Variants in REV3L observed in about 807,000 individuals in gnomAD.
REV3L encodes REV3 like, DNA directed polymerase zeta catalytic subunit, also known as DNA polymerase zeta catalytic subunit.
REV3L carries 69 observed loss-of-function variants against 299.4 expected under a neutral mutation model. The ratio of observed to expected loss-of-function variants is 0.23; its 90% CI spans 0.19 to 0.28. The LOEUF is 0.28. Among genes scored for constraint, REV3L ranks in the 10% least tolerant of loss-of-function variants. The pLI is 1.00. For synonymous variants in REV3L, 1,238 were observed against 1,271.4 expected, an observed-to-expected ratio of 0.97 and a Z score of 0.56; for missense variants, 3,128 against 3,693.8, an observed-to-expected ratio of 0.85 and a Z score of 3.97.
intron 4 of REV3L, among the ~76,000 whole-genome samples, chr6:111,403,791 C>T (rs1447029578): frequency 1.3e-5 from 2 of 152,154 alleles, no homozygotes; most frequent in Non-Finnish European, 2.9e-5. Flanking sequence ...ATTAAGCTTA[C>T]CAAGGAAGGC....
chr6:111,358,798 A>G (rs1349522828), intron 17 of REV3L, 24 bp downstream of exon 17: 26 of 1,570,934 alleles, frequency 1.7e-5, no homozygotes, highest in Non-Finnish European at 2.3e-5. Context: ...GGGCAGGTAT[A>G]TCATTAATAA....
At position 111,478,889 on chromosome 6, in the gene REV3L, T is replaced by C. The variant is rs1793268128; in HGVS notation, c.139+3861A>G. Among the ~76,000 whole-genome samples the C allele has an allele frequency of 2.6e-5, 4 of 152,220 alleles. No individual in the cohort carries two copies. In the South Asian group the frequency reaches 8.3e-4, roughly 31 times the overall value. ...GACAAGCAGCTCCCTCTATAGTCTG[T>C]CTGGCCTACTTTGTTTAATTCCTTG... On this transcript the variant is annotated intron_variant, in intron 1 of 31. Transcript: ENST00000368802.
At chr6:111,460,879 C>T (rs930185295) in intron 1 of REV3L, among the ~76,000 whole-genome samples, 5 of 152,058 alleles carry the variant, frequency 3.3e-5, no homozygotes, top group African/African-American at 9.7e-5. Context: ...AAATTCCTAT[C>T]GCCTAGGGAC....
intron 1 of REV3L, among the ~76,000 whole-genome samples, chr6:111,442,018 A>G (rs1788322726): frequency 6.6e-6 from 1 of 152,250 alleles, no homozygotes; most frequent in Admixed American, 6.5e-5. Context: ...CAGGAAGAAT[A>G]AAGGGGGCTG....
In REV3L at chr6:111,374,115, C is replaced by CT; in HGVS notation, c.4239dup (p.Ala1414SerfsTer5). On this transcript the variant is annotated frameshift_variant, in exon 13 of 32. Transcript: ENST00000368802. LOFTEE classifies it high-confidence loss of function. ...CAATGCAAAAAATTAGGGGTATATG[C>CT]TTGGTCCAGCTTTGATTCTAGGGAA... The CT allele has an allele frequency of 6.2e-7, 1 of 1,614,098 alleles. No homozygotes were observed. The highest frequency in any genetic ancestry group is 8.5e-7 in the Non-Finnish European group (1 of 1,179,968).
At position 111,326,685 on chromosome 6, in the gene REV3L, A is replaced by T. The variant is rs1013206877; in HGVS notation, c.8241+2847T>A. On this transcript the variant is annotated intron_variant, in intron 25 of 31. Coordinates refer to ENST00000368802, the MANE Select transcript of REV3L (RefSeq NM_001372078.1). ...CATATTTATTGTAGCACTATTCACAATAGCCAAGATATGGAAACAACCTAA... is the reference window on the plus strand; with the variant it reads ...CATATTTATTGTAGCACTATTCACATTAGCCAAGATATGGAAACAACCTAA... Among the ~76,000 whole-genome samples the T allele has an allele frequency of 2.0e-5, 3 of 152,134 alleles. No homozygotes were observed. The East Asian group carries it at 5.8e-4, about 29-fold the overall frequency.
intron 4 of REV3L, among the ~76,000 whole-genome samples, chr6:111,394,455 T>C (rs991527915): frequency 6.6e-6 from 1 of 152,194 alleles, no homozygotes; most frequent in Non-Finnish European, 1.5e-5. Flanking sequence ...GAGGTGTCTA[T>C]TCAGATACGA....
Position 111,418,758 on chromosome 6 carries a change from C to T in REV3L, c.140-2286G>A, listed in dbSNP as rs1465835679. Among the ~76,000 whole-genome samples the T allele has an allele frequency of 2.6e-5, 4 of 152,064 alleles. No homozygotes were observed. The South Asian group carries it at 6.2e-4, about 24-fold the overall frequency. ...CAGTTTTTATTTTTTATTATAATTG[C>T]CTGTTTCCTTATCTAACTTTCCCAT... On this transcript the variant is annotated intron_variant, in intron 1 of 31. Transcript: ENST00000368802.
Position 111,367,421 on chromosome 6 carries a change from G to C in REV3L, c.6367C>G (p.Pro2123Ala), listed in dbSNP as rs372911586. The C allele has an allele frequency of 5.6e-6, 9 of 1,611,538 alleles. No homozygotes were observed. The highest frequency in any genetic ancestry group is 1.3e-5 in the African/African-American group (1 of 74,904). The change falls in exon 14 of 32, where the codon CCA (proline) becomes GCA (alanine). Residue 2123 changes from proline (P) to alanine (A), a missense_variant. This residue lies in a region of REV3L where 2,409 missense variants were observed against 2,611.8 expected (regional missense o/e 0.92). Transcript: ENST00000368802. ...YYISYSSPDS[P>A]VIPPWQQPIS... ...GGTTGTTGCCAAGGGGGAATTACTG[G>C]AGAATCAGGGGAGCTATAACTAATG...
At chr6:111,416,526 A>G in intron 1 of REV3L, 54 bp from the exon 2 acceptor site, 1 of 1,386,764 alleles carries the variant, frequency 7.2e-7, no homozygotes, top group Non-Finnish European at 1.0e-6. Context: ...TAACAATACA[A>G]AACTCAGAAT....
Position 111,307,508 on chromosome 6 carries a change from T to G in REV3L, c.9105A>C (p.Gln3035His). The change falls in exon 31 of 32, where the codon CAA becomes CAC. Residue 3035 changes from glutamine to histidine, a missense_variant. Physicochemically the swap from Gln to His is conservative, Grantham distance 24. Around this residue, in one of 9 missense-constraint regions of REV3L, gnomAD observed 294 missense variants for 377.0 expected, o/e 0.78. Transcript: ENST00000368802. The stretch of plus-strand genomic sequence containing the variant: ...CAGGACAGTGTAAGGTAGTAAAATA[T>G]TGTGAAATAGTGCCTTTCCGCCCTT... Reference protein sequence around the residue: ...EPEGRKGTISQYFTTLHCPVC... With the variant: ...EPEGRKGTISHYFTTLHCPVC... The G allele has an allele frequency of 6.2e-7, 1 of 1,614,220 alleles. No homozygotes were observed. The highest frequency in any genetic ancestry group is 1.3e-5 in the African/African-American group (1 of 75,054).
intron 1 of REV3L, among the ~76,000 whole-genome samples, chr6:111,421,258 T>C (rs1403912792): frequency 6.6e-6 from 1 of 152,238 alleles, no homozygotes; most frequent in East Asian, 1.9e-4. Context: ...TAAAATCTTG[T>C]TAGCCTATTT....
At chr6:111,330,698 T>C (rs1448200065) in intron 24 of REV3L, among the ~76,000 whole-genome samples, 68 of 152,152 alleles carry the variant, frequency 4.5e-4, no homozygotes, top group Admixed American at 4.5e-3. Context: ...GCCATAATGT[T>C]TTAAGACATA....
At chr6:111,370,052 C>T (rs1270449786) in intron 13 of REV3L, among the ~76,000 whole-genome samples, 3 of 152,040 alleles carry the variant, frequency 2.0e-5, no homozygotes, top group South Asian at 2.1e-4. Context: ...AGGATGGTCT[C>T]GATCTCCTGA....
chr6:111,371,815 C>T (rs1317347527), intron 13 of REV3L, among the ~76,000 whole-genome samples: 1 of 152,110 alleles, frequency 6.6e-6, no homozygotes, highest in Non-Finnish European at 1.5e-5. Flanking sequence ...CTGCCCCCCT[C>T]GGCCTCCCAA....
intron 1 of REV3L, among the ~76,000 whole-genome samples, chr6:111,459,823 T>C (rs893642161): frequency 3.3e-5 from 5 of 152,190 alleles, no homozygotes; most frequent in African/African-American, 1.2e-4. Context: ...TTGGTGGGAA[T>C]GTAACTTAGT....
rs369726789 is a variant in REV3L at position 111,422,181 on chromosome 6, T to C, written c.140-5709A>G. On this transcript the variant is annotated intron_variant, in intron 1 of 31. Coordinates refer to ENST00000368802, the MANE Select transcript of REV3L (RefSeq NM_001372078.1). ...TGAAGATAATCTAAATTTCCAAAAA[T>C]AGGGAAATAAGTAAAATTATGTTAT... Among the ~76,000 whole-genome samples the C allele has an allele frequency of 1.6e-4, 24 of 152,238 alleles. No homozygotes were observed. The East Asian group carries it at 4.2e-3, about 27-fold the overall frequency.
At chr6:111,365,780 G>A (rs17511006) in intron 14 of REV3L, among the ~76,000 whole-genome samples, 4,332 of 152,240 alleles carry the variant, frequency 0.028, 73 homozygotes, top group South Asian at 0.078. Flanking sequence ...TGTAGTCAAG[G>A]AGATTAGGGA....
chr6:111,455,255 C>A (rs1048514301), intron 1 of REV3L, among the ~76,000 whole-genome samples: 17 of 152,104 alleles, frequency 1.1e-4, no homozygotes, highest in Non-Finnish European at 2.2e-4. Flanking sequence ...AAAGGCCATT[C>A]CATCCAGAGG....
Sources: allele counts gnomAD v4.1 joint callset (sites outside exome capture counted in the v4.1 genomes callset), GRCh38; gene constraint gnomAD v4.1.1; regional missense constraint gnomAD v4.1.1; transcripts MANE v1.5; gene names NCBI Gene and HGNC (gene_info 2026-07-23, HGNC 2026-07-21).